The following RBFOX1 variants were observed in gnomAD, a reference collection of about 807,000 sequenced individuals.
The protein encoded by RBFOX1 is RNA binding fox-1 homolog 1.
Under a neutral mutation model 57.7 loss-of-function variants are expected in RBFOX1, and 8 were observed. The observed-to-expected ratio is 0.14, with a 90% CI of 0.08 to 0.25. The LOEUF is 0.25. Among genes scored for constraint, RBFOX1 ranks in the 10% least tolerant of loss-of-function variants. RBFOX1 has a pLI of 1.00. For missense variants in RBFOX1, 611 were observed against 548.5 expected, an observed-to-expected ratio of 1.11 and a Z score of -1.14; for synonymous variants, 326 against 222.4, an observed-to-expected ratio of 1.47 and a Z score of -4.15.
intron 4 of RBFOX1, among the ~76,000 whole-genome samples, chr16:7,211,803 C>T (rs1383479839): frequency 6.6e-6 from 1 of 152,194 alleles, no homozygotes; most frequent in Non-Finnish European, 1.5e-5. Context: ...TATGAGCTTT[C>T]ACATCTTCCT....
At chr16:5,953,435 T>C (rs12373056) in intron 4 of RBFOX1, among the ~76,000 whole-genome samples, 48,858 of 151,870 alleles carry the variant, frequency 0.32, 8,247 homozygotes, top group Middle Eastern at 0.52. Context: ...TTGGTACATC[T>C]ATCACCTGAG....
At chr16:7,058,250 G>T (rs547286653) in intron 4 of RBFOX1, among the ~76,000 whole-genome samples, 1 of 152,264 alleles carries the variant, frequency 6.6e-6, no homozygotes, top group East Asian at 1.9e-4. Context: ...TCTCTCTGTG[G>T]TTTTTATGCC....
intron 3 of RBFOX1, among the ~76,000 whole-genome samples, chr16:6,740,356 C>T (rs1323123047): frequency 6.6e-6 from 1 of 152,204 alleles, no homozygotes; most frequent in East Asian, 1.9e-4. Flanking sequence ...GAACAAGACA[C>T]CACTGCTATT....
chr16:6,258,021 A>T (rs1162890627), intron 1 of RBFOX1, among the ~76,000 whole-genome samples: 1 of 152,166 alleles, frequency 6.6e-6, no homozygotes, highest in Non-Finnish European at 1.5e-5. Flanking sequence ...CAAAGGTTGA[A>T]CTAATTTACA....
chr16:6,643,251 T>G (rs1215070574), intron 2 of RBFOX1, among the ~76,000 whole-genome samples: 1 of 152,220 alleles, frequency 6.6e-6, no homozygotes, highest in East Asian at 1.9e-4. Context: ...CTTTCGGTAT[T>G]TTTTGCAAAG....
intron 14 of RBFOX1, among the ~76,000 whole-genome samples, chr16:7,689,178 T>C (rs1489416728): frequency 6.6e-6 from 1 of 152,180 alleles, no homozygotes; most frequent in East Asian, 1.9e-4. Flanking sequence ...TGTTAGATAG[T>C]AGCCGTTGCA....
At chr16:5,480,072 C>G (rs912874444) in intron 2 of RBFOX1, among the ~76,000 whole-genome samples, 11 of 152,308 alleles carry the variant, frequency 7.2e-5, no homozygotes, top group Admixed American at 3.9e-4. Flanking sequence ...TTGCTGGGCT[C>G]CAGTCCAGGG....
chr16:5,862,852 T>C (rs2057256900), intron 3 of RBFOX1, among the ~76,000 whole-genome samples: 2 of 152,144 alleles, frequency 1.3e-5, no homozygotes, highest in Admixed American at 1.3e-4. Context: ...CACCACATAC[T>C]GGTTTGCAGC....
Position 5,333,590 on chromosome 16 carries a change from G to T in RBFOX1, c.219+93485G>T, listed in dbSNP as rs567324532. 2.6e-5 allele frequency among the ~76,000 whole-genome samples: 4 copies of T among 152,316 alleles called. No homozygotes were observed. The South Asian group carries it at 8.3e-4, about 32-fold the overall frequency. Reference sequence around the variant, plus strand: ...CTACAGGGCCCGAGCTTCTCTCCTGGAGGCAAGTGCTTCAGTGTACTGTCA... The same window carrying T: ...CTACAGGGCCCGAGCTTCTCTCCTGTAGGCAAGTGCTTCAGTGTACTGTCA... On this transcript the variant is annotated intron_variant, in intron 1 of 2. Transcript: ENST00000585867.
chr16:7,154,427 A>T (rs1387539832), intron 4 of RBFOX1, among the ~76,000 whole-genome samples: 1 of 152,240 alleles, frequency 6.6e-6, no homozygotes, highest in Non-Finnish European at 1.5e-5. Flanking sequence ...ATATGGTCCC[A>T]TCACAGAAGG....
intron 3 of RBFOX1, among the ~76,000 whole-genome samples, chr16:6,802,412 C>A (rs943818213): frequency 1.3e-5 from 2 of 152,140 alleles, no homozygotes; most frequent in African/African-American, 4.8e-5. Flanking sequence ...CGCAGTGGCT[C>A]ATGCCTATAA....
intron 3 of RBFOX1, among the ~76,000 whole-genome samples, chr16:6,885,728 C>T (rs1168642001): frequency 1.3e-5 from 2 of 152,040 alleles, no homozygotes; most frequent in Non-Finnish European, 2.9e-5. Context: ...GACTGGGTTT[C>T]ACCAGGTTGG....
intron 3 of RBFOX1, among the ~76,000 whole-genome samples, chr16:6,859,968 T>C (rs2058710381): frequency 6.6e-6 from 1 of 152,128 alleles, no homozygotes. Context: ...TGAGAAGAAT[T>C]TGAGGAGTGG....
At chr16:5,246,126 C>T (rs1056376837) in intron 1 of RBFOX1, among the ~76,000 whole-genome samples, 10 of 152,132 alleles carry the variant, frequency 6.6e-5, no homozygotes, top group Admixed American at 2.6e-4. Flanking sequence ...CCTGTAATCC[C>T]AGCTACTTGG....
chr16:6,938,980 A>T (rs1426064067), intron 3 of RBFOX1, among the ~76,000 whole-genome samples: 1 of 152,134 alleles, frequency 6.6e-6, no homozygotes, highest in Non-Finnish European at 1.5e-5. Context: ...TTGCCCAGGA[A>T]TGCACTGTAA....
At chr16:7,056,392 C>A (rs528189727) in intron 4 of RBFOX1, among the ~76,000 whole-genome samples, 1 of 152,300 alleles carries the variant, frequency 6.6e-6, no homozygotes, top group African/African-American at 2.4e-5. Context: ...CTTCTGGGGA[C>A]ATGGTCAGAG....
At chr16:5,519,153 T>C (rs1412232660) in intron 2 of RBFOX1, among the ~76,000 whole-genome samples, 1 of 152,194 alleles carries the variant, frequency 6.6e-6, no homozygotes, top group African/African-American at 2.4e-5. Flanking sequence ...GTGAGAGAAG[T>C]AAATTTCTGT....
chr16:6,939,015 G>T (rs2077858296), intron 3 of RBFOX1, among the ~76,000 whole-genome samples: 1 of 152,102 alleles, frequency 6.6e-6, no homozygotes, highest in African/African-American at 2.4e-5. Flanking sequence ...ACTTTCCTTA[G>T]AGATCTGCCT....
chr16:7,484,723 C>A (rs992917503), intron 4 of RBFOX1, among the ~76,000 whole-genome samples: 1 of 152,296 alleles, frequency 6.6e-6, no homozygotes, highest in South Asian at 2.1e-4. Flanking sequence ...TTCAGCCTCC[C>A]AAAGTTCTGG....
Sources: gnomAD v4.1 joint callset for allele counts (sites outside exome capture counted in the v4.1 genomes callset) on GRCh38, gnomAD v4.1.1 for gene constraint, MANE v1.5 for transcripts, NCBI Gene and HGNC (gene_info 2026-07-23, HGNC 2026-07-21) for gene names.